The following SLC44A5 variants were observed in gnomAD, a reference collection of about 807,000 sequenced individuals.
SLC44A5 encodes choline transporter-like protein 5.
A neutral mutation model predicts 101.8 loss-of-function variants in SLC44A5; 57 were observed. The observed-to-expected ratio is 0.56, with a 90% CI of 0.45 to 0.70. The LOEUF (loss-of-function observed/expected upper bound fraction) is 0.70, where lower values mean the gene tolerates loss of function less well. SLC44A5 is among the 30% of genes least tolerant of loss of function. SLC44A5 has a pLI of 0.00. For missense variants in SLC44A5, 737 were observed against 853.1 expected (o/e 0.86, Z 1.70); for synonymous variants, 281 against 290.9 (o/e 0.97, Z 0.35).
chr1:75,552,716 T>C (rs1213811059), intron 1 of SLC44A5, among the ~76,000 whole-genome samples: 1 of 151,902 alleles, frequency 6.6e-6, no homozygotes, highest in Non-Finnish European at 1.5e-5. Flanking sequence ...AAATCTATCC[T>C]TTTGGAGTGT....
the SLC44A5 span, among the ~76,000 whole-genome samples, chr1:75,659,053 C>A: frequency 2.7e-4 from 41 of 151,898 alleles, no homozygotes; most frequent in African/African-American, 9.7e-4. Flanking sequence ...TGGACACAGA[C>A]AACCTAACAA....
intron 4 of SLC44A5, among the ~76,000 whole-genome samples, chr1:75,333,010 G>A (rs926210695): frequency 6.6e-6 from 1 of 152,080 alleles, no homozygotes; most frequent in South Asian, 2.1e-4. Flanking sequence ...ATATACGAAG[G>A]TGGGGCTCAT....
chr1:75,586,809 G>T (rs567317873), intron 1 of SLC44A5, among the ~76,000 whole-genome samples: 1 of 152,208 alleles, frequency 6.6e-6, no homozygotes, highest in East Asian at 1.9e-4. Context: ...TACCCCAAGG[G>T]CCTAGCACGG....
chr1:75,440,818 G>A (rs1403822198), intron 2 of SLC44A5, among the ~76,000 whole-genome samples: 2 of 151,974 alleles, frequency 1.3e-5, no homozygotes, highest in Admixed American at 6.6e-5. Context: ...ACCAGCAATA[G>A]TACTTCACTG....
chr1:75,443,692 A>G (rs1378880322), intron 2 of SLC44A5, among the ~76,000 whole-genome samples: 6 of 151,862 alleles, frequency 4.0e-5, no homozygotes. Context: ...AAATAAAAAG[A>G]AAATATTCCC....
chr1:75,281,976 T>C (rs556434093), intron 5 of SLC44A5, among the ~76,000 whole-genome samples: 1 of 152,304 alleles, frequency 6.6e-6, no homozygotes, highest in South Asian at 2.1e-4. Flanking sequence ...CATTGCCTAG[T>C]GCAGCTGTTA....
At chr1:75,494,956 C>T (rs537483580) in intron 2 of SLC44A5, among the ~76,000 whole-genome samples, 4 of 152,230 alleles carry the variant, frequency 2.6e-5, no homozygotes, top group East Asian at 3.9e-4. Context: ...TTCAGTCTTC[C>T]GAGACCATTG....
the SLC44A5 span, among the ~76,000 whole-genome samples, chr1:75,660,122 TG>T: frequency 0.22 from 32,923 of 151,980 alleles, 4,499 homozygotes; most frequent in Middle Eastern, 0.36. Context: ...GAGAATTGCT[TG>T]AACCCAGGAG....
the SLC44A5 span, among the ~76,000 whole-genome samples, chr1:75,651,225 T>C: frequency 6.6e-6 from 1 of 152,136 alleles, no homozygotes; most frequent in Admixed American, 6.6e-5. Flanking sequence ...AAAAGCATGG[T>C]TGTAGTTTAG....
intron 1 of SLC44A5, among the ~76,000 whole-genome samples, chr1:75,543,610 C>T (rs919414313): frequency 5.5e-5 from 8 of 144,976 alleles, no homozygotes; most frequent in Admixed American, 4.9e-4. Context: ...TATATATATA[C>T]ACACACACAT....
Position 75,236,990 on chromosome 1 carries a change from A to T in SLC44A5, c.737T>A (p.Leu246His). 6.3e-7 allele frequency: 1 copy of T among 1,577,676 alleles called. No homozygotes were observed. The highest frequency in any genetic ancestry group is 8.7e-7 in the Non-Finnish European group (1 of 1,150,658). The change falls in exon 11 of 24, where the codon CTC (leucine) becomes CAC (histidine). Residue 246 changes from leucine to histidine, a missense_variant. Coordinates refer to ENST00000370859, the MANE Select transcript of SLC44A5 (RefSeq NM_001130058.2). Reference protein sequence around the residue: ...EDYARTWYWILIGLTIAMVLS... With the variant: ...EDYARTWYWIHIGLTIAMVLS... ...ACATCTATGTGTTTTCACTTACATG[A>T]GAATCCAATACCAAGTTCTTGCATA...
chr1:75,699,344 T>A, the SLC44A5 span, among the ~76,000 whole-genome samples: 1 of 152,084 alleles, frequency 6.6e-6, no homozygotes, highest in African/African-American at 2.4e-5. Flanking sequence ...TGGGGGCCAA[T>A]ATTCAACATT....
At chr1:75,280,132 G>A (rs12037967) in intron 5 of SLC44A5, among the ~76,000 whole-genome samples, 545 of 8,224 alleles carry the variant, frequency 0.066, 50 homozygotes, top group East Asian at 0.4. Flanking sequence ...GTGTGTGTGT[G>A]TATATATATA....
upstream of SLC44A5, among the ~76,000 whole-genome samples, chr1:75,612,692 T>G (rs1040806640): frequency 2.0e-5 from 3 of 152,186 alleles, no homozygotes; most frequent in African/African-American, 7.2e-5. Flanking sequence ...TTGCACAGAA[T>G]CTGGTACATA....
chr1:75,387,160 C>G (rs1661420232), intron 3 of SLC44A5, among the ~76,000 whole-genome samples: 2 of 152,298 alleles, frequency 1.3e-5, no homozygotes, highest in South Asian at 4.1e-4. Flanking sequence ...GCAAGGACTT[C>G]ATGTCTAAAA....
chr1:75,374,685 G>C (rs376019892), intron 3 of SLC44A5, among the ~76,000 whole-genome samples: 1 of 152,002 alleles, frequency 6.6e-6, no homozygotes, highest in African/African-American at 2.4e-5. Flanking sequence ...GAATCACACC[G>C]GGAAGCAAAA....
At chr1:75,532,766 G>A (rs1184283080) in intron 2 of SLC44A5, among the ~76,000 whole-genome samples, 1 of 152,144 alleles carries the variant, frequency 6.6e-6, no homozygotes, top group African/African-American at 2.4e-5. Context: ...GGGGCTGGGT[G>A]TGGTGGCTCA....
At chr1:75,358,322 G>A (rs1557698891) in intron 3 of SLC44A5, among the ~76,000 whole-genome samples, 1 of 152,010 alleles carries the variant, frequency 6.6e-6, no homozygotes, top group African/African-American at 2.4e-5. Context: ...GCCATATTTG[G>A]TATATTTAAC....
the SLC44A5 span, among the ~76,000 whole-genome samples, chr1:75,686,960 C>A: frequency 6.6e-6 from 1 of 152,114 alleles, no homozygotes; most frequent in Non-Finnish European, 1.5e-5. Flanking sequence ...TTAATCTGAA[C>A]AATGTGGTAA....
Sources: gnomAD v4.1 joint callset for allele counts (sites outside exome capture counted in the v4.1 genomes callset) on GRCh38, gnomAD v4.1.1 for gene constraint, MANE v1.5 for transcripts, NCBI Gene and HGNC (gene_info 2026-07-23, HGNC 2026-07-21) for gene names.